Variants in KIAA0232 observed in about 807,000 individuals in gnomAD.
KIAA0232 encodes uncharacterized protein KIAA0232.
A neutral mutation model predicts 122.0 loss-of-function variants in KIAA0232; 27 were observed. The observed-to-expected ratio is 0.22, with a 90% CI of 0.16 to 0.31. KIAA0232 has a LOEUF of 0.31. Among genes scored for constraint, KIAA0232 ranks in the 10% least tolerant of loss-of-function variants. The pLI is 1.00. For missense variants in KIAA0232, 1,551 were observed against 1,634.2 expected (o/e 0.95, Z 0.88); for synonymous variants, 613 against 587.6 (o/e 1.04, Z -0.63).
chr4:6,805,124 G>A (rs1401415845), intron 2 of KIAA0232, among the ~76,000 whole-genome samples: 1 of 152,152 alleles, frequency 6.6e-6, no homozygotes, highest in Non-Finnish European at 1.5e-5. Flanking sequence ...GGGAAACTGT[G>A]TAGCAAGTTA....
At position 6,862,700 on chromosome 4, in the gene KIAA0232, C is replaced by G. The variant is rs747608911; in HGVS notation, c.2318C>G (p.Thr773Ser). The G allele has an allele frequency of 9.9e-6, 16 of 1,611,482 alleles. No homozygotes were observed. The highest frequency in any genetic ancestry group is 1.3e-5 in the Non-Finnish European group (15 of 1,179,328). Reference protein sequence around the residue: ...QDETCQQNSRTLGEIPTLVFK... With the variant: ...QDETCQQNSRSLGEIPTLVFK... ...GAAACTTGCCAGCAAAACAGTAGAA[C>G]TTTAGGTGAGATTCCTACATTAGTT... is the stretch of plus-strand genomic sequence containing the variant. Residue 773 changes from threonine to serine, a missense_variant, in exon 7 of 10, where the codon ACT becomes AGT. Transcript: ENST00000307659.
At chr4:6,807,082 T>TATC (rs1560166887) in intron 2 of KIAA0232, among the ~76,000 whole-genome samples, 57 of 131,192 alleles carry the variant, frequency 4.3e-4, no homozygotes, top group Middle Eastern at 3.7e-3. Flanking sequence ...ATCTATCTAT[T>TATC]TAAGACAGGG....
At position 6,863,285 on chromosome 4, in the gene KIAA0232, C is replaced by T. The variant is rs184637951; in HGVS notation, c.2903C>T (p.Thr968Met). The change falls in exon 7 of 10, where the codon ACG becomes ATG. Residue 968 changes from threonine to methionine, a missense_variant. Thr to Met is a moderately conservative substitution (Grantham distance 81). This residue lies in a region of KIAA0232 where 1,108 missense variants were observed against 1,154.8 expected (regional missense o/e 0.96). Coordinates refer to ENST00000307659, the MANE Select transcript of KIAA0232 (RefSeq NM_014743.3). ...LLQCAASDVVTIAGTDVFMTP... is the reference protein window; with the variant it reads ...LLQCAASDVVMIAGTDVFMTP... ...CAGTGTGCAGCTTCTGATGTTGTGA[C>T]GATAGCTGGTACAGATGTCTTTATG... The T allele has an allele frequency of 6.8e-6, 11 of 1,614,078 alleles. No homozygotes were observed. Among genetic ancestry groups the T allele is most frequent in the African/African-American group, 2.7e-5 (2 of 75,022 alleles).
intron 1 of KIAA0232, among the ~76,000 whole-genome samples, chr4:6,789,265 C>G (rs1413257365): frequency 1.3e-5 from 2 of 151,550 alleles, no homozygotes; most frequent in African/African-American, 4.9e-5. Context: ...GCCACCATGC[C>G]CGGCCTTTTC....
chr4:6,842,884 C>T (rs895919490), intron 4 of KIAA0232, among the ~76,000 whole-genome samples: 67 of 152,054 alleles, frequency 4.4e-4, no homozygotes, highest in African/African-American at 1.5e-3. Context: ...CCATCGCGCC[C>T]GGCCCGCTCT....
chr4:6,826,617 G>A (rs192548232), intron 3 of KIAA0232, among the ~76,000 whole-genome samples: 1 of 150,810 alleles, frequency 6.6e-6, no homozygotes, highest in Admixed American at 6.7e-5. Flanking sequence ...CGATCTTCCT[G>A]CCTCTGTCTC....
intron 3 of KIAA0232, among the ~76,000 whole-genome samples, chr4:6,836,720 A>G (rs1034948481): frequency 6.6e-6 from 1 of 151,776 alleles, no homozygotes; most frequent in Non-Finnish European, 1.5e-5. Flanking sequence ...TGTGTCCCTG[A>G]GTACGTGAGA....
intron 5 of KIAA0232, 45 bp downstream of exon 5, chr4:6,857,275 C>T: frequency 6.7e-7 from 1 of 1,489,494 alleles, no homozygotes; most frequent in Non-Finnish European, 9.2e-7. Flanking sequence ...GATTACATCC[C>T]TGAGGAATCT....
chr4:6,856,212 C>T lies in KIAA0232; in HGVS notation c.370-952C>T, dbSNP rs549330145. ...ATGGGGTAAAGTTCTATTTTTAGCC[C>T]GTCAAGGCCTAGTGAGGGCACTGGC... On this transcript the variant is annotated intron_variant, in intron 4 of 9. Coordinates refer to ENST00000307659, the MANE Select transcript of KIAA0232 (RefSeq NM_014743.3). 3.3e-5 allele frequency among the ~76,000 whole-genome samples: 5 copies of T among 152,204 alleles called. No homozygotes were observed. The South Asian group carries it at 6.2e-4, about 19-fold the overall frequency.
At chr4:6,865,669 T>C (rs921588494) in intron 7 of KIAA0232, among the ~76,000 whole-genome samples, 10 of 152,086 alleles carry the variant, frequency 6.6e-5, no homozygotes, top group African/African-American at 2.2e-4. Flanking sequence ...AGCAGATGAG[T>C]GTTGCACTTC....
intron 3 of KIAA0232, among the ~76,000 whole-genome samples, chr4:6,825,080 C>G (rs1490877573): frequency 6.6e-6 from 1 of 152,134 alleles, no homozygotes; most frequent in Non-Finnish European, 1.5e-5. Flanking sequence ...TCTTGCCTTC[C>G]AAATTTAATA....
rs543683398 is a variant in KIAA0232, at chr4:6,883,611, A to T, written c.*2645A>T. 1 of 152,356 alleles carries T rather than the reference A, an allele frequency of 6.6e-6. No individual in the cohort carries two copies. The highest frequency in any genetic ancestry group is 2.4e-5 in the African/African-American group (1 of 41,592). 9.4% of individuals were successfully genotyped at this position (152,356 alleles called of 1,614,324 possible). On this transcript the variant is annotated 3_prime_UTR_variant, in exon 10 of 10. Transcript: ENST00000307659. ...CTCACCCCCAGCACACGCAGGGACT[A>T]CTACCTGAGTCTGCAAAACACATAG...
At position 6,864,065 on chromosome 4, in the gene KIAA0232, C is replaced by G. The variant is rs999199434; in HGVS notation, c.3683C>G (p.Ala1228Gly). Residue 1228 changes from alanine to glycine, a missense_variant, in exon 7 of 10, where the codon GCA (alanine) becomes GGA (glycine). Ala to Gly is a moderately conservative substitution (Grantham distance 60, BLOSUM62 0). Coordinates refer to ENST00000307659, the MANE Select transcript of KIAA0232 (RefSeq NM_014743.3). ...SLEIDLESSEANCKIMAQCEE... is the reference protein window; with the variant it reads ...SLEIDLESSEGNCKIMAQCEE... The stretch of plus-strand genomic sequence containing the variant: ...GAAATAGATTTAGAAAGCTCAGAAG[C>G]AAATTGTAAAATAATGGCACAATGC... 10 of 1,614,118 alleles carry G rather than the reference C, an allele frequency of 6.2e-6. No homozygotes were observed. The highest frequency in any genetic ancestry group is 7.6e-6 in the Non-Finnish European group (9 of 1,180,032).
chr4:6,815,302 G>A (rs145884746), intron 2 of KIAA0232, among the ~76,000 whole-genome samples: 3 of 152,230 alleles, frequency 2.0e-5, no homozygotes, highest in Admixed American at 6.5e-5. Flanking sequence ...GTTTCACCAC[G>A]GTGGATCATA....
intron 2 of KIAA0232, among the ~76,000 whole-genome samples, chr4:6,821,729 T>C (rs907718047): frequency 1.1e-4 from 16 of 151,980 alleles, no homozygotes; most frequent in Non-Finnish European, 1.6e-4. Flanking sequence ...TATATACATA[T>C]ACCACAATTT....
rs1299322130 is a variant in KIAA0232 at position 6,882,941 on chromosome 4, G to A, written c.*1975G>A. On this transcript the variant is annotated 3_prime_UTR_variant, in exon 10 of 10. Transcript: ENST00000307659. The stretch of plus-strand genomic sequence containing the variant: ...ATTTTGGACAGCTGCTGTTTATTAG[G>A]AAAGGGCTCCAGGTGGCAAAGGTGC... The A allele has an allele frequency of 3.3e-5, 5 of 152,478 alleles. No individual in the cohort carries two copies. Among genetic ancestry groups the A allele is most frequent in the Admixed American group, 3.3e-4 (5 of 15,282 alleles). 9.4% of individuals were successfully genotyped at this position (152,478 alleles called of 1,614,324 possible). A position where few individuals can be genotyped will look rare whatever the true frequency, so the allele number is the denominator to read the frequency against.
chr4:6,811,042 G>T (rs1321931008), intron 2 of KIAA0232, among the ~76,000 whole-genome samples: 12 of 152,186 alleles, frequency 7.9e-5, no homozygotes, highest in Non-Finnish European at 1.8e-4. Context: ...AGAGTATGGC[G>T]ATTTCTTAAA....
At chr4:6,867,749 G>A (rs1048294825) in intron 7 of KIAA0232, among the ~76,000 whole-genome samples, 1 of 152,164 alleles carries the variant, frequency 6.6e-6, no homozygotes, top group Non-Finnish European at 1.5e-5. Context: ...AGAGGCTTCT[G>A]TCACCACTAT....
chr4:6,792,288 C>T (rs746690499), intron 1 of KIAA0232, among the ~76,000 whole-genome samples: 1 of 151,954 alleles, frequency 6.6e-6, no homozygotes, highest in Non-Finnish European at 1.5e-5. Context: ...TGAAGAGTTT[C>T]CAGGTTTTTG....
Sources: allele counts gnomAD v4.1 joint callset (sites outside exome capture counted in the v4.1 genomes callset), GRCh38; gene constraint gnomAD v4.1.1; regional missense constraint gnomAD v4.1.1; transcripts MANE v1.5; gene names NCBI Gene and HGNC (gene_info 2026-07-23, HGNC 2026-07-21).